C3orf20: variants seen among roughly 807,000 people sequenced by gnomAD.
The protein encoded by C3orf20 is family with sequence similarity 149 member C, also known as uncharacterized protein C3orf20.
A neutral mutation model predicts 88.3 loss-of-function variants in C3orf20; 76 were observed. The ratio of observed to expected loss-of-function variants is 0.86; its 90% CI spans 0.72 to 1.04. C3orf20 has a LOEUF of 1.04. Among genes scored for constraint, C3orf20 ranks in the 50% least tolerant of loss-of-function variants. The pLI, the probability that C3orf20 is intolerant of heterozygous loss-of-function variation, is 0.00. For synonymous variants in C3orf20, 436 were observed against 437.4 expected (o/e 1.00, Z 0.04); for missense variants, 1,056 against 1,123.3 (o/e 0.94, Z 0.86).
At chr3:14,763,796 G>A (rs1423864023) in intron 15 of C3orf20, among the ~76,000 whole-genome samples, 1 of 152,158 alleles carries the variant, frequency 6.6e-6, no homozygotes, top group Non-Finnish European at 1.5e-5. Context: ...CACATGGGAA[G>A]TGCTGGCACA....
intron 12 of C3orf20, among the ~76,000 whole-genome samples, chr3:14,748,354 C>CTT (rs1209138485): frequency 1.3e-5 from 2 of 152,014 alleles, no homozygotes; most frequent in African/African-American, 4.8e-5. Flanking sequence ...CAACTTTTCT[C>CTT]TTTTAGTCAG....
At chr3:14,693,903 G>T (rs2032850521) in intron 5 of C3orf20, among the ~76,000 whole-genome samples, 1 of 152,156 alleles carries the variant, frequency 6.6e-6, no homozygotes, top group Non-Finnish European at 1.5e-5. Flanking sequence ...ATCATGAAGG[G>T]ATGTTGAATT....
chr3:14,681,359 G>T (rs1220513778), intron 1 of C3orf20, among the ~76,000 whole-genome samples: 1 of 152,230 alleles, frequency 6.6e-6, no homozygotes, highest in East Asian at 1.9e-4. Flanking sequence ...AAAAGAAGAC[G>T]TAGGTGTGTT....
At chr3:14,706,620 A>G (rs2033513791) in intron 7 of C3orf20, among the ~76,000 whole-genome samples, 1 of 142,344 alleles carries the variant, frequency 7.0e-6, no homozygotes, top group Admixed American at 7.5e-5. Context: ...ACACCCCAGC[A>G]ATGATCACAT....
At chr3:14,713,029 T>C (rs2033810561) in intron 7 of C3orf20, among the ~76,000 whole-genome samples, 1 of 152,216 alleles carries the variant, frequency 6.6e-6, no homozygotes, top group Non-Finnish European at 1.5e-5. Context: ...TTAATCTTAT[T>C]GAAGTTCTCT....
intron 12 of C3orf20, among the ~76,000 whole-genome samples, chr3:14,751,096 A>G (rs1023989964): frequency 6.6e-6 from 1 of 151,972 alleles, no homozygotes; most frequent in Non-Finnish European, 1.5e-5. Flanking sequence ...TTTTTATTTT[A>G]GTTATTTTAC....
At chr3:14,697,822 C>T (rs1174708475) in intron 5 of C3orf20, among the ~76,000 whole-genome samples, 2 of 149,938 alleles carry the variant, frequency 1.3e-5, no homozygotes, top group African/African-American at 4.9e-5. Context: ...GGTTTTCTGT[C>T]CTTGTGATAG....
intron 7 of C3orf20, among the ~76,000 whole-genome samples, chr3:14,710,487 A>G (rs543657780): frequency 6.6e-6 from 1 of 152,260 alleles, no homozygotes; most frequent in African/African-American, 2.4e-5. Flanking sequence ...ATTTACAGCT[A>G]TAAATTTCTT....
rs1025100984 is a variant in C3orf20 at position 14,682,572 on chromosome 3, G to A, written c.-136-6G>A. ...GACTAACTCTTTTCTTGTCCTTTCC[G>A]GATAGGAACCACTGGCTCAATGACC... On this transcript the variant is annotated splice_polypyrimidine_tract_variant and splice_region_variant and intron_variant, in intron 2 of 16. Coordinates refer to ENST00000253697, the MANE Select transcript of C3orf20 (RefSeq NM_032137.5). The A allele has an allele frequency of 9.7e-6, 11 of 1,137,686 alleles. No homozygotes were observed. In the Admixed American group the frequency reaches 1.2e-4, roughly 12 times the overall value. 70.5% of individuals were successfully genotyped at this position (1,137,686 alleles called of 1,614,324 possible). A position where few individuals can be genotyped will look rare whatever the true frequency, so the allele number is the denominator to read the frequency against.
chr3:14,696,407 T>TATTA, intron 5 of C3orf20, among the ~76,000 whole-genome samples: 2 of 149,132 alleles, frequency 1.3e-5, no homozygotes, highest in Non-Finnish European at 3.0e-5. Flanking sequence ...TTATTATTAT[T>TATTA]TTGAGACGGA....
intron 12 of C3orf20, among the ~76,000 whole-genome samples, chr3:14,749,674 A>G (rs1017923274): frequency 2.8e-5 from 4 of 142,894 alleles, no homozygotes; most frequent in East Asian, 4.0e-4. Context: ...TTCCTCCATC[A>G]TTGCCTTTTT....
At chr3:14,753,348 G>T (rs1446144541) in intron 12 of C3orf20, among the ~76,000 whole-genome samples, 1 of 152,170 alleles carries the variant, frequency 6.6e-6, no homozygotes, top group Non-Finnish European at 1.5e-5. Context: ...TGGGGTCAGG[G>T]GCTGGGGGAG....
chr3:14,737,433 T>C (rs1170190195), intron 12 of C3orf20, among the ~76,000 whole-genome samples: 1 of 152,270 alleles, frequency 6.6e-6, no homozygotes, highest in Admixed American at 6.5e-5. Flanking sequence ...TTTTTTGGTT[T>C]TCCAGTACAT....
chr3:14,727,442 G>C (rs2034393432), intron 11 of C3orf20, among the ~76,000 whole-genome samples: 1 of 152,098 alleles, frequency 6.6e-6, no homozygotes, highest in South Asian at 2.1e-4. Flanking sequence ...GATCTCAGAA[G>C]AGAAAAATGC....
rs778116479 is a variant in C3orf20, at chr3:14,683,103, C to G, written c.390C>G (p.His130Gln). The G allele has an allele frequency of 6.2e-7, 1 of 1,613,930 alleles. No homozygotes were observed. The highest frequency in any genetic ancestry group is 1.1e-5 in the South Asian group (1 of 91,036). ...SPTMARQVRT[H>Q]QETLNRFQQQ... The stretch of plus-strand genomic sequence containing the variant: ...CCATGGCCCGTCAGGTGCGCACCCA[C>G]CAGGAGACCCTGAACAGGTTTCAGC... Residue 130 changes from histidine to glutamine, a missense_variant, in exon 3 of 17, where the codon CAC becomes CAG. His to Gln is a conservative substitution (Grantham distance 24, BLOSUM62 0). Transcript: ENST00000253697.
chr3:14,719,087 G>A (rs923605228), intron 9 of C3orf20, among the ~76,000 whole-genome samples: 1 of 149,856 alleles, frequency 6.7e-6, no homozygotes, highest in Non-Finnish European at 1.5e-5. Flanking sequence ...TTCAAAGTCT[G>A]CCTGCATTTG....
At chr3:14,697,555 T>C (rs1224500016) in intron 5 of C3orf20, among the ~76,000 whole-genome samples, 1 of 152,108 alleles carries the variant, frequency 6.6e-6, no homozygotes, top group Non-Finnish European at 1.5e-5. Flanking sequence ...TAAATTTTTA[T>C]TATTTTTTTA....
intron 12 of C3orf20, among the ~76,000 whole-genome samples, chr3:14,743,152 C>A (rs1407370402): frequency 2.0e-5 from 3 of 152,002 alleles, no homozygotes; most frequent in Non-Finnish European, 4.4e-5. Flanking sequence ...CAAGTCCCTT[C>A]CGCCTGTGAG....
chr3:14,692,721 A>G (rs2032794864), intron 5 of C3orf20, among the ~76,000 whole-genome samples: 2 of 152,102 alleles, frequency 1.3e-5, no homozygotes, highest in African/African-American at 4.8e-5. Context: ...GCTGTGCAGA[A>G]GCTTTTTAAC....
Sources: gnomAD v4.1 joint callset for allele counts (sites outside exome capture counted in the v4.1 genomes callset) on GRCh38, gnomAD v4.1.1 for gene constraint, MANE v1.5 for transcripts, NCBI Gene and HGNC (gene_info 2026-07-23, HGNC 2026-07-21) for gene names.